MMUT: variants seen among roughly 807,000 people sequenced by gnomAD.
The protein encoded by MMUT is methylmalonyl-CoA mutase.
MMUT carries 79 observed loss-of-function variants against 79.9 expected under a neutral mutation model. The ratio of observed to expected loss-of-function variants is 0.99; its 90% CI spans 0.82 to 1.19. The LOEUF (loss-of-function observed/expected upper bound fraction) is 1.19. Ranked by LOEUF, MMUT falls within the 50% of genes most tolerant of loss-of-function variation. MMUT has a pLI of 0.00. For missense variants in MMUT, 860 were observed against 917.2 expected, an observed-to-expected ratio of 0.94 and a Z score of 0.81; for synonymous variants, 273 against 295.7, an observed-to-expected ratio of 0.92 and a Z score of 0.79.
In MMUT at chr6:49,431,649, T is replaced by C; in HGVS notation, c.*79A>G. The C allele has an allele frequency of 8.2e-6, 12 of 1,459,144 alleles. No homozygotes were observed. The East Asian group carries it at 9.2e-5, about 11-fold the overall frequency. 90.4% of individuals were successfully genotyped at this position (1,459,144 alleles called of 1,614,324 possible). ...GTACAAATCAGGTATTGAAATTAAA[T>C]TGAAGACATAGCTTTACTCTCTTCT... is the stretch of plus-strand genomic sequence containing the variant. On this transcript the variant is annotated 3_prime_UTR_variant, in exon 13 of 13. Coordinates refer to ENST00000274813, the MANE Select transcript of MMUT (RefSeq NM_000255.4).
intron 4 of MMUT, among the ~76,000 whole-genome samples, chr6:49,455,365 C>T (rs1048534120): frequency 4.6e-5 from 7 of 152,122 alleles, no homozygotes; most frequent in African/African-American, 1.7e-4. Context: ...TCAAATACCC[C>T]AGAAAGAGTC....
In MMUT at chr6:49,451,592, A is replaced by G; in HGVS notation, c.1206T>C (p.Ala402=). The stretch of plus-strand genomic sequence containing the variant: ...TGATTTGTGTGTTCCTGGCAATTCG[A>G]GCACTTTTCACAGTTGGCAAACCCA... ...EALGLPTVKS[A]RIARNTQIII... Residue 402 remains alanine, a synonymous_variant, in exon 6 of 13, where the codon GCT becomes GCC. Coordinates refer to ENST00000274813, the MANE Select transcript of MMUT (RefSeq NM_000255.4). The G allele has an allele frequency of 3.7e-6, 6 of 1,614,162 alleles. No homozygotes were observed. The highest frequency in any genetic ancestry group is 5.1e-6 in the Non-Finnish European group (6 of 1,180,010).
chr6:49,453,039 GTTTTTTTTT>G (rs5876116), intron 5 of MMUT, among the ~76,000 whole-genome samples: 1 of 116,192 alleles, frequency 8.6e-6, no homozygotes, highest in Non-Finnish European at 1.8e-5. Flanking sequence ...TTCTTTCTTT[GTTTTTTTTT>G]TTTTTTTTTT....
chr6:49,431,493 TA>T lies in MMUT; in HGVS notation c.*234del, dbSNP rs1766970519. ...CCATTGTCCAGAGTTCTTGATAAAG[TA>T]TTGTTATAGAGAGTATAGAGAGTTT... On this transcript the variant is annotated 3_prime_UTR_variant, in exon 13 of 13. Transcript: ENST00000274813. The T allele has an allele frequency of 3.2e-6, 1 of 308,868 alleles. No individual in the cohort carries two copies. The highest frequency in any genetic ancestry group is 2.2e-5 in the African/African-American group (1 of 45,768). The allele number at this position is 308,868 out of a possible 1,614,324, so 19.1% of individuals were successfully genotyped here.
chr6:49,453,830 C>T (rs968071723), intron 4 of MMUT, 74 bp from the exon 5 acceptor site: 10 of 1,250,282 alleles, frequency 8.0e-6, no homozygotes, highest in Admixed American at 3.5e-5. Flanking sequence ...CTAATTGTAT[C>T]ACACACTAGA....
rs1474493347 is a variant in MMUT at position 49,435,626 on chromosome 6, A to G, written c.1957-3T>C. 5.0e-6 allele frequency: 8 copies of G among 1,612,724 alleles called. No individual in the cohort carries two copies. The highest frequency in any genetic ancestry group is 1.7e-4 in the Middle Eastern group (1 of 5,950). On this transcript the variant is annotated splice_region_variant and splice_polypyrimidine_tract_variant and intron_variant, in intron 11 of 12. Coordinates refer to ENST00000274813, the MANE Select transcript of MMUT (RefSeq NM_000255.4). ...TGCTGGGCCACTTCACGAGGAGTCTAAACAGTCAGAAAGTAAAGATAAATC... is the reference window on the plus strand; with the variant it reads ...TGCTGGGCCACTTCACGAGGAGTCTGAACAGTCAGAAAGTAAAGATAAATC...
intron 9 of MMUT, among the ~76,000 whole-genome samples, chr6:49,442,710 G>C (rs1767308636): frequency 6.6e-6 from 1 of 152,010 alleles, no homozygotes; most frequent in Non-Finnish European, 1.5e-5. Context: ...AACAGTAAGA[G>C]TGTTTGAAAA....
intron 10 of MMUT, among the ~76,000 whole-genome samples, chr6:49,441,072 T>C (rs1767260540): frequency 6.6e-6 from 1 of 152,232 alleles, no homozygotes; most frequent in Admixed American, 6.5e-5. Flanking sequence ...AAGTTCCATT[T>C]TGATGACTTT....
chr6:49,454,201 T>C (rs1425761650), intron 4 of MMUT, among the ~76,000 whole-genome samples: 2 of 152,254 alleles, frequency 1.3e-5, no homozygotes, highest in African/African-American at 4.8e-5. Flanking sequence ...CTCCAATTTG[T>C]GCCCTTCACC....
At chr6:49,450,188 G>A (rs1278223519) in intron 6 of MMUT, among the ~76,000 whole-genome samples, 33 of 148,490 alleles carry the variant, frequency 2.2e-4, no homozygotes, top group Admixed American at 1.7e-3. Context: ...CCGAGATCAC[G>A]CCACTGCACT....
Position 49,431,557 on chromosome 6 carries a change from T to A in MMUT, c.*171A>T. 1.7e-6 allele frequency: 1 copy of A among 602,924 alleles called. No individual in the cohort carries two copies. Among genetic ancestry groups the A allele is most frequent in the Non-Finnish European group, 2.9e-6 (1 of 345,694 alleles). The allele number at this position is 602,924 out of a possible 1,614,324, so 37.3% of individuals were successfully genotyped here. On this transcript the variant is annotated 3_prime_UTR_variant, in exon 13 of 13. Transcript: ENST00000274813. Reference sequence around the variant, plus strand: ...TTTTTATTTTTGAAGTGAAACTGTATGTACATACTTATAGCATGACACCAG... The same window carrying A: ...TTTTTATTTTTGAAGTGAAACTGTAAGTACATACTTATAGCATGACACCAG...
Position 49,451,518 on chromosome 6 carries a change from C to T in MMUT, c.1280G>A (p.Gly427Asp), listed in dbSNP as rs753288303. ...GIPKVADPWG[G>D]SYMMECLTND... is the part of the protein sequence containing the mutation. Reference sequence around the variant, plus strand: ...TGTGAGACATTCCATCATGTAAGAACCTCCCCAAGGATCAGCCACTTTGGG... The same window carrying T: ...TGTGAGACATTCCATCATGTAAGAATCTCCCCAAGGATCAGCCACTTTGGG... The change falls in exon 6 of 13, where the codon GGT becomes GAT. Residue 427 changes from glycine (G) to aspartate (D), a missense_variant. Coordinates refer to ENST00000274813, the MANE Select transcript of MMUT (RefSeq NM_000255.4). 9 of 1,613,930 alleles carry T rather than the reference C, an allele frequency of 5.6e-6. No individual in the cohort carries two copies. The East Asian group carries it at 1.3e-4, about 24-fold the overall frequency.
chr6:49,457,429 G>A (rs760449231), intron 3 of MMUT, among the ~76,000 whole-genome samples: 2 of 152,190 alleles, frequency 1.3e-5, no homozygotes, highest in African/African-American at 4.8e-5. Flanking sequence ...ATTTAAAAAT[G>A]TAAGTAGAAG....
At chr6:49,435,674 C>T in intron 11 of MMUT, 51 bp from the exon 12 acceptor site, 1 of 1,557,652 alleles carries the variant, frequency 6.4e-7, no homozygotes, top group Non-Finnish European at 8.8e-7. Context: ...TAGATAATGA[C>T]TATAAAAACC....
intron 4 of MMUT, among the ~76,000 whole-genome samples, chr6:49,455,158 T>A (rs1288617085): frequency 6.6e-6 from 1 of 151,988 alleles, no homozygotes; most frequent in Admixed American, 6.6e-5. Context: ...AATAAAAGCA[T>A]CATTGTTTTA....
chr6:49,460,709 T>C (rs1397131980), intron 1 of MMUT, among the ~76,000 whole-genome samples: 2 of 152,256 alleles, frequency 1.3e-5, no homozygotes. Flanking sequence ...ATATTCACTA[T>C]ACTATGTGTT....
chr6:49,450,004 G>A (rs1767508389), intron 6 of MMUT, among the ~76,000 whole-genome samples: 1 of 152,032 alleles, frequency 6.6e-6, no homozygotes, highest in South Asian at 2.1e-4. Context: ...AGGCCAAGGT[G>A]AGTGGATCAC....
chr6:49,455,977 A>C, intron 4 of MMUT, 103 bp downstream of exon 4: 1 of 1,047,034 alleles, frequency 9.6e-7, no homozygotes, highest in East Asian at 2.6e-5. Context: ...AGAAAATCTA[A>C]ATCTAGCCTG....
At chr6:49,448,560 T>C (rs1463325926) in intron 7 of MMUT, among the ~76,000 whole-genome samples, 22 of 152,074 alleles carry the variant, frequency 1.4e-4, no homozygotes, top group Admixed American at 1.4e-3. Flanking sequence ...CTTCAAAATG[T>C]TAATGACATC....
Sources: allele counts gnomAD v4.1 joint callset (sites outside exome capture counted in the v4.1 genomes callset), GRCh38; gene constraint gnomAD v4.1.1; transcripts MANE v1.5; gene names NCBI Gene and HGNC (gene_info 2026-07-23, HGNC 2026-07-21).